Variants in ZNF385D observed in about 807,000 individuals in gnomAD.
The protein encoded by ZNF385D is zinc finger protein 385D, also known as zinc finger protein 659.
Under a neutral mutation model 35.8 loss-of-function variants are expected in ZNF385D, and 15 were observed. That is an observed-to-expected ratio of 0.42 (90% confidence interval 0.28 to 0.64). The LOEUF (loss-of-function observed/expected upper bound fraction) is 0.64. ZNF385D is among the 30% of genes least tolerant of loss of function. The pLI, the probability that ZNF385D is intolerant of heterozygous loss-of-function variation, is 0.23. For synonymous variants in ZNF385D, 212 were observed against 186.8 expected, an observed-to-expected ratio of 1.13 and a Z score of -1.10; for missense variants, 474 against 494.6, an observed-to-expected ratio of 0.96 and a Z score of 0.39.
At chr3:21,876,522 A>T (rs1697982278) in intron 3 of ZNF385D, among the ~76,000 whole-genome samples, 1 of 151,722 alleles carries the variant, frequency 6.6e-6, no homozygotes, top group Non-Finnish European at 1.5e-5. Flanking sequence ...TTACTTTCTC[A>T]TGTTTTCATT....
intron 2 of ZNF385D, among the ~76,000 whole-genome samples, chr3:21,575,436 A>C (rs1034333786): frequency 3.9e-5 from 6 of 152,222 alleles, no homozygotes; most frequent in Admixed American, 1.3e-4. Context: ...GTCAAACCCA[A>C]ATTTGATGAT....
intron 3 of ZNF385D, among the ~76,000 whole-genome samples, chr3:21,899,101 C>T (rs1023890950): frequency 2.0e-5 from 3 of 151,960 alleles, no homozygotes; most frequent in Non-Finnish European, 4.4e-5. Context: ...TTTTCAATGC[C>T]TGGAGATATT....
At chr3:22,241,741 G>C (rs1699503956) in intron 2 of ZNF385D, among the ~76,000 whole-genome samples, 1 of 150,572 alleles carries the variant, frequency 6.6e-6, no homozygotes, top group Admixed American at 6.6e-5. Context: ...AGACTGAGGT[G>C]AGAAATACCT....
At position 21,635,217 on chromosome 3, in the gene ZNF385D, G is replaced by A. The variant is rs184836817; in HGVS notation, c.165+29669C>T. Reference sequence around the variant, plus strand: ...TAAGCTAGACCCAGCTTCTATCATCGTAGAATGAAATGTGTTCCACAAATG... The same window carrying A: ...TAAGCTAGACCCAGCTTCTATCATCATAGAATGAAATGTGTTCCACAAATG... On this transcript the variant is annotated intron_variant, in intron 2 of 7. Coordinates refer to ENST00000281523, the MANE Select transcript of ZNF385D (RefSeq NM_024697.3). 2.0e-3 allele frequency among the ~76,000 whole-genome samples: 299 copies of A among 152,152 alleles called. 5 individuals carry two copies. Among genetic ancestry groups the A allele is most frequent in the Non-Finnish European group, 1.1e-3 (78 of 67,974 alleles).
At chr3:21,679,502 C>T (rs1575447310) in intron 1 of ZNF385D, among the ~76,000 whole-genome samples, 1 of 151,924 alleles carries the variant, frequency 6.6e-6, no homozygotes, top group Admixed American at 6.6e-5. Flanking sequence ...AAATTATAGG[C>T]ACCCAAGTAC....
intron 2 of ZNF385D, among the ~76,000 whole-genome samples, chr3:22,239,742 TA>T (rs1483555649): frequency 6.6e-6 from 1 of 151,048 alleles, no homozygotes; most frequent in Non-Finnish European, 1.5e-5. Flanking sequence ...TGAATTAATT[TA>T]TTGAAAAGAA....
At chr3:22,256,274 C>T (rs796291376) in intron 2 of ZNF385D, among the ~76,000 whole-genome samples, 5 of 147,498 alleles carry the variant, frequency 3.4e-5, no homozygotes, top group Non-Finnish European at 7.5e-5. Flanking sequence ...TAGTTTTGTC[C>T]CTCTAGAGAA....
At chr3:21,537,628 C>T (rs367630991) in intron 3 of ZNF385D, among the ~76,000 whole-genome samples, 1 of 151,832 alleles carries the variant, frequency 6.6e-6, no homozygotes, top group African/African-American at 2.4e-5. Flanking sequence ...TTTCTAGAAC[C>T]CTCTTAAATT....
In ZNF385D at chr3:21,732,024, T is replaced by C. The variant is rs867284223; in HGVS notation, c.22+18871A>G. Among the ~76,000 whole-genome samples, 11 of 133,960 alleles carry C rather than the reference T, an allele frequency of 8.2e-5. 1 individual carries two copies. The highest frequency in any genetic ancestry group is 2.2e-4 in the East Asian group (1 of 4,560). The allele number at this position is 133,960 out of a possible 152,430, so 87.9% of individuals were successfully genotyped here. A position where few individuals can be genotyped will look rare whatever the true frequency, so the allele number is the denominator to read the frequency against. On this transcript the variant is annotated intron_variant, in intron 1 of 7. Coordinates refer to ENST00000281523, the MANE Select transcript of ZNF385D (RefSeq NM_024697.3). The stretch of plus-strand genomic sequence containing the variant: ...CTTCTATTCAGGGTTTTTTTCTTTT[T>C]TCGGGGTTTTTTTTTTTTTTTTTTT...
At chr3:21,753,571 G>A (rs542211208), upstream of ZNF385D, among the ~76,000 whole-genome samples, 47 of 152,232 alleles carry the variant, frequency 3.1e-4, no homozygotes, top group East Asian at 1.2e-3. Flanking sequence ...AAAGGAAGAT[G>A]CCCTTTTAAA....
At chr3:22,198,160 TAAGAC>T (rs1559446245) in intron 2 of ZNF385D, among the ~76,000 whole-genome samples, 2 of 150,950 alleles carry the variant, frequency 1.3e-5, no homozygotes, top group Non-Finnish European at 3.0e-5. Flanking sequence ...TGAGAATATT[TAAGAC>T]AAGAGTGTCA....
At chr3:22,101,727 G>A (rs550741865) in intron 3 of ZNF385D, among the ~76,000 whole-genome samples, 2 of 152,034 alleles carry the variant, frequency 1.3e-5, no homozygotes, top group Non-Finnish European at 2.9e-5. Flanking sequence ...ATAAAACCAA[G>A]TCAGCAGAGT....
chr3:22,043,500 G>C (rs371491387), intron 3 of ZNF385D, among the ~76,000 whole-genome samples: 18 of 152,200 alleles, frequency 1.2e-4, no homozygotes, highest in Admixed American at 5.9e-4. Flanking sequence ...ATATTTACTT[G>C]TATATTGGTC....
chr3:21,756,392 C>A (rs2070343154), intron 3 of ZNF385D, among the ~76,000 whole-genome samples: 1 of 152,014 alleles, frequency 6.6e-6, no homozygotes, highest in Admixed American at 6.6e-5. Flanking sequence ...TTTGAGAGAA[C>A]TTGCTTTAGG....
chr3:22,180,517 A>G (rs1224850227), intron 2 of ZNF385D, among the ~76,000 whole-genome samples: 1 of 152,206 alleles, frequency 6.6e-6, no homozygotes, highest in East Asian at 1.9e-4. Context: ...CCTGATGAAC[A>G]TCGATGCAAA....
intron 3 of ZNF385D, among the ~76,000 whole-genome samples, chr3:22,160,925 T>C (rs187438826): frequency 6.6e-6 from 1 of 152,228 alleles, no homozygotes; most frequent in East Asian, 1.9e-4. Context: ...TAATTTGCCA[T>C]AGAAGGTTTA....
At chr3:21,649,402 G>A (rs2065849910) in intron 2 of ZNF385D, among the ~76,000 whole-genome samples, 1 of 152,072 alleles carries the variant, frequency 6.6e-6, no homozygotes, top group Admixed American at 6.6e-5. Context: ...GATGTCCCCA[G>A]GAACTATTTA....
At chr3:21,927,856 A>G (rs1325155915) in intron 3 of ZNF385D, among the ~76,000 whole-genome samples, 1 of 152,182 alleles carries the variant, frequency 6.6e-6, no homozygotes, top group Non-Finnish European at 1.5e-5. Flanking sequence ...TTCAATGACA[A>G]TAGTTGCAGA....
upstream of ZNF385D, among the ~76,000 whole-genome samples, chr3:21,754,976 T>C (rs4858015): frequency 0.079 from 12,044 of 152,272 alleles, 649 homozygotes; most frequent in South Asian, 0.17. Context: ...TGCAAAGTGT[T>C]CACACAAATT....
Sources: gnomAD v4.1 joint callset for allele counts (sites outside exome capture counted in the v4.1 genomes callset) on GRCh38, gnomAD v4.1.1 for gene constraint, MANE v1.5 for transcripts, NCBI Gene and HGNC (gene_info 2026-07-23, HGNC 2026-07-21) for gene names.